Variants in GTSE1 observed in about 807,000 individuals in gnomAD.
GTSE1 encodes the protein G2 and S phase-expressed protein 1.
A neutral mutation model predicts 60.5 loss-of-function variants in GTSE1; 52 were observed. The ratio of observed to expected loss-of-function variants is 0.86; its 90% CI spans 0.69 to 1.08. GTSE1 has a LOEUF of 1.08. GTSE1 is among the 50% of genes least tolerant of loss of function. The probability of loss-of-function intolerance (pLI) is 0.00; values close to 1 mark genes in which losing one functional copy is unlikely to be tolerated. For missense variants in GTSE1, 937 were observed against 961.8 expected (o/e 0.97, Z 0.34); for synonymous variants, 368 against 386.5 (o/e 0.95, Z 0.56).
rs2077740828 is a variant in GTSE1, at chr22:46,310,244, A to G, written c.762+1301A>G. On this transcript the variant is annotated intron_variant, in intron 4 of 11. Transcript: ENST00000454366. This position sits in a 1 kb window ranked among gnomAD's most constrained non-coding sequence, Gnocchi z 4.4. ...CAAGTGTGCTTGACAGAGAACTGCT[A>G]GGATGCCTAAAGGAAGAAGAAAAAG... 6.6e-6 allele frequency among the ~76,000 whole-genome samples: 1 copy of G among 152,208 alleles called. No individual in the cohort carries two copies.
intron 2 of GTSE1, among the ~76,000 whole-genome samples, chr22:46,298,610 A>G (rs2077671584): frequency 6.6e-6 from 1 of 152,122 alleles, no homozygotes; most frequent in African/African-American, 2.4e-5. Flanking sequence ...GCCTGGCCCC[A>G]AGCATCCTCA....
At chr22:46,325,475 C>T (rs920587234) in intron 8 of GTSE1, among the ~76,000 whole-genome samples, 3 of 152,120 alleles carry the variant, frequency 2.0e-5, no homozygotes, top group Admixed American at 1.3e-4. Context: ...GGATTACAGG[C>T]GTGAGCCACC....
Position 46,329,160 on chromosome 22 carries a change from G to T in GTSE1, c.1927-198G>T, listed in dbSNP as rs775305002. On this transcript the variant is annotated intron_variant, in intron 10 of 11. Coordinates refer to ENST00000454366, the MANE Select transcript of GTSE1 (RefSeq NM_016426.7). The surrounding 1 kb of genome is among the most constrained non-coding windows in gnomAD (Gnocchi z 6.4). ...CAGGAGCTGGTGGCTGCTGGTGAGC[G>T]GGTATGGACAGGGAGGTGGGCAACA... 1 of 641,116 alleles carries T rather than the reference G, an allele frequency of 1.6e-6. No homozygotes were observed. The highest frequency in any genetic ancestry group is 2.6e-5 in the East Asian group (1 of 37,912). 39.7% of individuals were successfully genotyped at this position (641,116 alleles called of 1,614,324 possible).
Position 46,309,127 on chromosome 22 carries a change from G to T in GTSE1, c.762+184G>T, listed in dbSNP as rs138886425. Among the ~76,000 whole-genome samples, 19 of 152,384 alleles carry T rather than the reference G, an allele frequency of 1.2e-4. No homozygotes were observed. In the East Asian group the frequency reaches 3.5e-3, roughly 28 times the overall value. ...GCTGATGTGGGGGTGGCTTGGATAA[G>T]TTGGGTTGACCTAATATTTCCTCCT... On this transcript the variant is annotated intron_variant, in intron 4 of 11. Transcript: ENST00000454366. The surrounding 1 kb of genome is among the most constrained non-coding windows in gnomAD (Gnocchi z 6.2).
In GTSE1 at chr22:46,324,697, G is replaced by A. The variant is rs1005544563; in HGVS notation, c.1505+1435G>A. ...TTTTATTTTCACTGGAATTTGTGGT[G>A]GGGCTGCCAGAACTTAGCAATAAAG... is the stretch of plus-strand genomic sequence containing the variant. On this transcript the variant is annotated intron_variant, in intron 8 of 11. Transcript: ENST00000454366. The surrounding 1 kb of genome is among the most constrained non-coding windows in gnomAD (Gnocchi z 5.2). 6.6e-6 allele frequency among the ~76,000 whole-genome samples: 1 copy of A among 152,142 alleles called. No individual in the cohort carries two copies. Among genetic ancestry groups the A allele is most frequent in the African/African-American group, 2.4e-5 (1 of 41,448 alleles).
chr22:46,313,601 C>T lies in GTSE1; in HGVS notation c.928-289C>T, dbSNP rs141250069. 1.1e-4 allele frequency among the ~76,000 whole-genome samples: 16 copies of T among 152,322 alleles called. 1 individual carries two copies. In the East Asian group the frequency reaches 1.5e-3, roughly 15 times the overall value. ...TCAGCTCACTACAACCTCCACCTCC[C>T]GGGTTCAAGCAATTCTCCTACCTCA... On this transcript the variant is annotated intron_variant, in intron 5 of 11. Coordinates refer to ENST00000454366, the MANE Select transcript of GTSE1 (RefSeq NM_016426.7). This position sits in a 1 kb window ranked among gnomAD's most constrained non-coding sequence, Gnocchi z 4.4.
chr22:46,298,595 A>G (rs1439994826), intron 2 of GTSE1, among the ~76,000 whole-genome samples: 1 of 152,194 alleles, frequency 6.6e-6, no homozygotes, highest in African/African-American at 2.4e-5. Flanking sequence ...GGTGTGAACC[A>G]CCGCGCCTGG....
At chr22:46,327,587 A>C (rs372087725) in intron 9 of GTSE1, among the ~76,000 whole-genome samples, 1 of 152,284 alleles carries the variant, frequency 6.6e-6, no homozygotes, top group African/African-American at 2.4e-5. Context: ...AGGCAGGAGA[A>C]TCACTTGATT....
intron 6 of GTSE1, among the ~76,000 whole-genome samples, 154 bp from the exon 7 acceptor site, chr22:46,315,878 C>T (rs1182191069): frequency 6.6e-6 from 1 of 152,230 alleles, no homozygotes; most frequent in Admixed American, 6.5e-5. Context: ...CTGAGCCATC[C>T]TGTGTTTGAT....
At position 46,308,798 on chromosome 22, in the gene GTSE1, C is replaced by T. The variant is rs536511117; in HGVS notation, c.617C>T (p.Pro206Leu). 2.0e-5 allele frequency: 32 copies of T among 1,613,244 alleles called. No individual in the cohort carries two copies. The highest frequency in any genetic ancestry group is 1.9e-4 in the South Asian group (17 of 91,086). The change falls in exon 4 of 12, where the codon CCG becomes CTG. Residue 206 changes from proline (P) to leucine (L), a missense_variant. Coordinates refer to ENST00000454366, the MANE Select transcript of GTSE1 (RefSeq NM_016426.7). Reference sequence around the variant, plus strand: ...CGCCTCACCCGGGCGCCGGGGCCTCCGCACTCTGCTCATGCTTTGCCCAGG... The same window carrying T: ...CGCCTCACCCGGGCGCCGGGGCCTCTGCACTCTGCTCATGCTTTGCCCAGG... The part of the protein sequence containing the change: ...QARLTRAPGP[P>L]HSAHALPRES...
Position 46,316,990 on chromosome 22 carries a change from C to G in GTSE1, c.1432+578C>G, listed in dbSNP as rs2077785085. 6.6e-6 allele frequency among the ~76,000 whole-genome samples: 1 copy of G among 150,920 alleles called. No individual in the cohort carries two copies. Among genetic ancestry groups the G allele is most frequent in the Non-Finnish European group, 1.5e-5 (1 of 67,910 alleles). On this transcript the variant is annotated intron_variant, in intron 7 of 11. Transcript: ENST00000454366. The surrounding 1 kb of genome is among the most constrained non-coding windows in gnomAD (Gnocchi z 5.0). ...TGTTTTTTGTTTTTTGAGACGGAGT[C>G]TCGCTCTGTCACCCAGGGTGGAATG... is the stretch of plus-strand genomic sequence containing the variant.
rs557709688 is a variant in GTSE1 at position 46,309,407 on chromosome 22, G to C, written c.762+464G>C. 6.6e-5 allele frequency among the ~76,000 whole-genome samples: 10 copies of C among 152,224 alleles called. No individual in the cohort carries two copies. Among genetic ancestry groups the C allele is most frequent in the African/African-American group, 2.4e-4 (10 of 41,534 alleles). ...GTCTGCCTACTCTGGGACACTGAGGGTCCTGGAGGTCTGGGGGAAAGCTGG... is the reference window on the plus strand; with the variant it reads ...GTCTGCCTACTCTGGGACACTGAGGCTCCTGGAGGTCTGGGGGAAAGCTGG... On this transcript the variant is annotated intron_variant, in intron 4 of 11. Coordinates refer to ENST00000454366, the MANE Select transcript of GTSE1 (RefSeq NM_016426.7). The surrounding 1 kb of genome is among the most constrained non-coding windows in gnomAD (Gnocchi z 6.2).
intron 2 of GTSE1, among the ~76,000 whole-genome samples, chr22:46,301,787 C>T (rs1668582481): frequency 6.6e-6 from 1 of 152,126 alleles, no homozygotes; most frequent in Non-Finnish European, 1.5e-5. Context: ...CAGCGCCCAG[C>T]CTCATTACTC....
rs1241706540 is a variant in GTSE1, at chr22:46,309,835, T to C, written c.762+892T>C. ...TCCTTTATTTGGAGCCCGTTTGGGA[T>C]GTAGATTCCTACCGTGATGTTTCTA... On this transcript the variant is annotated intron_variant, in intron 4 of 11. Transcript: ENST00000454366. This position sits in a 1 kb window ranked among gnomAD's most constrained non-coding sequence, Gnocchi z 6.2. Among the ~76,000 whole-genome samples, 1 of 152,232 alleles carries C rather than the reference T, an allele frequency of 6.6e-6. No individual in the cohort carries two copies. The highest frequency in any genetic ancestry group is 1.5e-5 in the Non-Finnish European group (1 of 68,034).
In GTSE1 at chr22:46,329,405, T is replaced by A. The variant is rs572350645; in HGVS notation, c.1974T>A (p.Asp658Glu). 1 of 1,614,226 alleles carries A rather than the reference T, an allele frequency of 6.2e-7. No homozygotes were observed. The highest frequency in any genetic ancestry group is 1.3e-5 in the African/African-American group (1 of 75,064). ...IKLEPLAVTP[D>E]AASQPLIDLP... ...TGGAACCACTCGCGGTCACTCCAGA[T>A]GCTGCAAGCCAGCCCCTCATTGACC... The change falls in exon 11 of 12, where the codon GAT (aspartate) becomes GAA (glutamate). Residue 658 changes from aspartate (D) to glutamate (E), a missense_variant. Coordinates refer to ENST00000454366, the MANE Select transcript of GTSE1 (RefSeq NM_016426.7). The surrounding 1 kb of genome is among the most constrained non-coding windows in gnomAD (Gnocchi z 6.4).
chr22:46,324,565 C>T lies in GTSE1; in HGVS notation c.1505+1303C>T, dbSNP rs1325313463. On this transcript the variant is annotated intron_variant, in intron 8 of 11. Coordinates refer to ENST00000454366, the MANE Select transcript of GTSE1 (RefSeq NM_016426.7). This position sits in a 1 kb window ranked among gnomAD's most constrained non-coding sequence, Gnocchi z 5.2. ...TGTATTTTTAGTAGAGACGGGGTTT[C>T]ACCGTGTTAGCCAGGATGGTCTCGA... Among the ~76,000 whole-genome samples, 1 of 152,114 alleles carries T rather than the reference C, an allele frequency of 6.6e-6. No individual in the cohort carries two copies. Among genetic ancestry groups the T allele is most frequent in the African/African-American group, 2.4e-5 (1 of 41,420 alleles).
intron 2 of GTSE1, among the ~76,000 whole-genome samples, chr22:46,298,473 G>C (rs978541887): frequency 1.1e-4 from 17 of 150,802 alleles, no homozygotes; most frequent in African/African-American, 4.1e-4. Flanking sequence ...ACACCTGGCT[G>C]ATTTTTGTAT....
In GTSE1 at chr22:46,317,349, C is replaced by T. The variant is rs892762474; in HGVS notation, c.1432+937C>T. Among the ~76,000 whole-genome samples, 4 of 152,198 alleles carry T rather than the reference C, an allele frequency of 2.6e-5. No individual in the cohort carries two copies. Among genetic ancestry groups the T allele is most frequent in the Non-Finnish European group, 5.9e-5 (4 of 68,038 alleles). On this transcript the variant is annotated intron_variant, in intron 7 of 11. Coordinates refer to ENST00000454366, the MANE Select transcript of GTSE1 (RefSeq NM_016426.7). The surrounding 1 kb of genome is among the most constrained non-coding windows in gnomAD (Gnocchi z 5.6). ...CTGCAGTGCCTAACAGCTGTGAAGC[C>T]CATCCAGTTAACTTTGTTTCTAACA...
chr22:46,329,654 C>A lies in GTSE1; in HGVS notation c.2136+87C>A. The stretch of plus-strand genomic sequence containing the variant: ...TCATCCTCCCAGGGCCATCGTGGGA[C>A]CCTTGAGAGTGGCTGTTGAGTCTTC... On this transcript the variant is annotated intron_variant, in intron 11 of 11. Coordinates refer to ENST00000454366, the MANE Select transcript of GTSE1 (RefSeq NM_016426.7). The surrounding 1 kb of genome is among the most constrained non-coding windows in gnomAD (Gnocchi z 6.4). 9.6e-7 allele frequency: 1 copy of A among 1,037,618 alleles called. No individual in the cohort carries two copies. Among genetic ancestry groups the A allele is most frequent in the Non-Finnish European group, 1.5e-6 (1 of 667,882 alleles). 64.3% of individuals were successfully genotyped at this position (1,037,618 alleles called of 1,614,324 possible).
Sources: allele counts gnomAD v4.1 joint callset (sites outside exome capture counted in the v4.1 genomes callset), GRCh38; gene constraint gnomAD v4.1.1; non-coding constraint Gnocchi (gnomAD v3.1); transcripts MANE v1.5; gene names NCBI Gene and HGNC (gene_info 2026-07-23, HGNC 2026-07-21).